RANBP2: variants seen among roughly 807,000 people sequenced by gnomAD.
RANBP2 encodes E3 SUMO-protein ligase RanBP2.
RANBP2 carries 57 observed loss-of-function variants against 303.6 expected under a neutral mutation model. The ratio of observed to expected loss-of-function variants is 0.19; its 90% CI spans 0.15 to 0.23. RANBP2 has a LOEUF of 0.23. RANBP2 is among the 10% of genes least tolerant of loss of function. The probability of loss-of-function intolerance (pLI) is 1.00; values close to 1 mark genes in which losing one functional copy is unlikely to be tolerated. For missense variants in RANBP2, 3,138 were observed against 3,780.8 expected, an observed-to-expected ratio of 0.83 and a Z score of 4.46; for synonymous variants, 1,167 against 1,301.5, an observed-to-expected ratio of 0.90 and a Z score of 2.23.
intron 11 of RANBP2, 53 bp downstream of exon 11, chr2:108,751,756 G>T: frequency 1.9e-6 from 3 of 1,611,638 alleles, no homozygotes; most frequent in Non-Finnish European, 2.5e-6. Context: ...GTTTTACCGG[G>T]GATTTAATCC....
the RANBP2 span, among the ~76,000 whole-genome samples, chr2:109,078,769 T>C: frequency 6.8e-6 from 1 of 147,668 alleles, no homozygotes; most frequent in Non-Finnish European, 1.5e-5. Context: ...GATCACGAGG[T>C]CAGGAGATCG....
rs200824887 is a variant in RANBP2 at position 108,752,500 on chromosome 2, C to T, written c.1756-498C>T. ...AAAAGTTGAGTGTAGAGGCCGGGTG[C>T]GGTGGCTCACACCTGTAATCCCAGC... On this transcript the variant is annotated intron_variant, in intron 12 of 28. Coordinates refer to ENST00000283195, the MANE Select transcript of RANBP2 (RefSeq NM_006267.5). 6.7e-5 allele frequency among the ~76,000 whole-genome samples: 10 copies of T among 150,312 alleles called. No individual in the cohort carries two copies. The East Asian group carries it at 1.4e-3, about 21-fold the overall frequency.
the RANBP2 span, among the ~76,000 whole-genome samples, chr2:109,314,882 T>G: frequency 6.6e-6 from 1 of 152,202 alleles, no homozygotes; most frequent in Non-Finnish European, 1.5e-5. Context: ...TTGGTAGAGA[T>G]TGAAGCAGAG....
chr2:109,693,027 T>C, the RANBP2 span, among the ~76,000 whole-genome samples: 1 of 152,008 alleles, frequency 6.6e-6, no homozygotes, highest in Non-Finnish European at 1.5e-5. Context: ...AGGCACAGCT[T>C]ACCAGCATTA....
intron 7 of RANBP2, among the ~76,000 whole-genome samples, chr2:108,741,852 T>G (rs1348964297): frequency 1.4e-5 from 2 of 145,180 alleles, no homozygotes; most frequent in Admixed American, 1.4e-4. Context: ...GCATAACTTT[T>G]GAAAGGAAAA....
At chr2:109,613,627 C>T in the RANBP2 span, 1 of 384,598 alleles carries the variant, frequency 2.6e-6, no homozygotes, top group Non-Finnish European at 4.2e-6. Flanking sequence ...GGCTCCTCTC[C>T]CGCCCCAGGC....
the RANBP2 span, chr2:109,347,655 T>C: frequency 6.2e-7 from 1 of 1,611,030 alleles, no homozygotes; most frequent in African/African-American, 1.3e-5. Flanking sequence ...GGTGACCACA[T>C]GCTGTCTGTT....
At chr2:108,988,388 G>A in the RANBP2 span, among the ~76,000 whole-genome samples, 1 of 152,092 alleles carries the variant, frequency 6.6e-6, no homozygotes, top group Non-Finnish European at 1.5e-5. Flanking sequence ...CCTCTTGGCT[G>A]GAAATGAAAA....
chr2:109,568,340 T>A, the RANBP2 span, among the ~76,000 whole-genome samples: 1 of 151,318 alleles, frequency 6.6e-6, no homozygotes, highest in African/African-American at 2.4e-5. Flanking sequence ...ACACCCCTTA[T>A]ACACTCATTC....
At chr2:109,344,065 T>G in the RANBP2 span, among the ~76,000 whole-genome samples, 4 of 152,134 alleles carry the variant, frequency 2.6e-5, no homozygotes, top group African/African-American at 9.7e-5. Context: ...TTTTGTAACT[T>G]TCCCCCCTGT....
At chr2:109,547,815 T>C in the RANBP2 span, among the ~76,000 whole-genome samples, 134 of 152,300 alleles carry the variant, frequency 8.8e-4, no homozygotes, top group African/African-American at 3.2e-3. Flanking sequence ...AAGCACTCGA[T>C]AAATATTAGC....
At chr2:109,244,957 T>G in the RANBP2 span, among the ~76,000 whole-genome samples, 1 of 152,218 alleles carries the variant, frequency 6.6e-6, no homozygotes, top group African/African-American at 2.4e-5. Flanking sequence ...TGAGACTTGA[T>G]CAGGTGCCAG....
the RANBP2 span, among the ~76,000 whole-genome samples, chr2:109,440,041 C>G: frequency 2.6e-5 from 4 of 152,052 alleles, no homozygotes; most frequent in Non-Finnish European, 1.5e-5. Flanking sequence ...TCTGAGCAGA[C>G]AAAAGAGAAA....
the RANBP2 span, among the ~76,000 whole-genome samples, chr2:109,356,388 CCT>C: frequency 6.6e-6 from 1 of 152,220 alleles, no homozygotes; most frequent in African/African-American, 2.4e-5. Flanking sequence ...GTTGGACTTG[CCT>C]CTCTAGCCAG....
At chr2:109,241,568 C>T in the RANBP2 span, among the ~76,000 whole-genome samples, 1 of 152,134 alleles carries the variant, frequency 6.6e-6, no homozygotes, top group Non-Finnish European at 1.5e-5. Flanking sequence ...CTTCTTCCCT[C>T]CCACTTGGCC....
chr2:109,585,133 C>A, the RANBP2 span: 1 of 1,571,538 alleles, frequency 6.4e-7, no homozygotes, highest in Non-Finnish European at 8.6e-7. Flanking sequence ...TACCTCTCTT[C>A]TTTATTTATT....
chr2:108,842,955 A>T, the RANBP2 span, among the ~76,000 whole-genome samples: 1 of 152,204 alleles, frequency 6.6e-6, no homozygotes, highest in Non-Finnish European at 1.5e-5. Context: ...ATACGCTTAG[A>T]ACCACATTAG....
chr2:109,514,209 A>G, the RANBP2 span, among the ~76,000 whole-genome samples: 1 of 152,144 alleles, frequency 6.6e-6, no homozygotes, highest in African/African-American at 2.4e-5. Context: ...AACGCCCTGG[A>G]AACTCCCATG....
the RANBP2 span, chr2:108,896,854 G>A: frequency 6.4e-7 from 1 of 1,555,298 alleles, no homozygotes; most frequent in Non-Finnish European, 8.8e-7. Flanking sequence ...CAGCTCCAGA[G>A]CCCTCGTTGG....
Sources: gnomAD v4.1 joint callset for allele counts (sites outside exome capture counted in the v4.1 genomes callset) on GRCh38, gnomAD v4.1.1 for gene constraint, MANE v1.5 for transcripts, NCBI Gene and HGNC (gene_info 2026-07-23, HGNC 2026-07-21) for gene names.